Variants in PPP1R7 observed in about 807,000 individuals in gnomAD.
PPP1R7 encodes protein phosphatase 1 regulatory subunit 7, also known as protein phosphatase 1 regulatory subunit 22.
PPP1R7 carries 18 observed loss-of-function variants against 45.2 expected under a neutral mutation model. That is an observed-to-expected ratio of 0.40 (90% CI 0.28 to 0.59). The LOEUF is 0.59. PPP1R7 is among the 20% of genes least tolerant of loss of function. The pLI is 0.46. For missense variants in PPP1R7, 314 were observed against 455.8 expected, an observed-to-expected ratio of 0.69 and a Z score of 2.83; for synonymous variants, 181 against 183.4, an observed-to-expected ratio of 0.99 and a Z score of 0.11.
At chr2:241,171,257 T>A (rs1575402675) in intron 9 of PPP1R7, among the ~76,000 whole-genome samples, 3 of 152,298 alleles carry the variant, frequency 2.0e-5, no homozygotes, top group African/African-American at 7.2e-5. Context: ...GATCAATCAC[T>A]AGGGGCCAGG....
intron 1 of PPP1R7, 108 bp downstream of exon 1, chr2:241,150,655 C>T (rs1271100068): frequency 1.5e-6 from 2 of 1,319,632 alleles, no homozygotes; most frequent in African/African-American, 3.1e-5. Flanking sequence ...CTCTGGCCGC[C>T]GCCGCGCGGC....
intron 9 of PPP1R7, among the ~76,000 whole-genome samples, chr2:241,179,580 G>A (rs2067965388): frequency 6.6e-6 from 1 of 152,226 alleles, no homozygotes; most frequent in African/African-American, 2.4e-5. Context: ...GACATGGGAG[G>A]TGCTCAAGAT....
chr2:241,167,163 T>C (rs886270503), intron 8 of PPP1R7: 1 of 1,246,352 alleles, frequency 8.0e-7, no homozygotes, highest in African/African-American at 1.5e-5. Flanking sequence ...TAAAAGACTT[T>C]TTCTCATTCA....
At chr2:241,167,279 C>T in intron 8 of PPP1R7, 2 of 419,114 alleles carry the variant, frequency 4.8e-6, no homozygotes, top group South Asian at 1.2e-4. Context: ...GCCTCAACCC[C>T]AGGGCCTAGT....
Position 241,182,862 on chromosome 2 carries a change from G to T in PPP1R7, c.*39G>T. ...CCTCATGTGGTCCCTCTCCTCGGAAGAACTGCCCAGCCACGGGTTTTTAAC... is the reference window on the plus strand; with the variant it reads ...CCTCATGTGGTCCCTCTCCTCGGAATAACTGCCCAGCCACGGGTTTTTAAC... On this transcript the variant is annotated 3_prime_UTR_variant, in exon 10 of 10. Coordinates refer to ENST00000234038, the MANE Select transcript of PPP1R7 (RefSeq NM_002712.3). 1.9e-6 allele frequency: 3 copies of T among 1,589,636 alleles called. No homozygotes were observed. The highest frequency in any genetic ancestry group is 2.6e-6 in the Non-Finnish European group (3 of 1,161,636).
Position 241,153,557 on chromosome 2 carries a change from A to G in PPP1R7, c.134A>G (p.Glu45Gly). 1.2e-6 allele frequency: 2 copies of G among 1,614,186 alleles called. No homozygotes were observed. The highest frequency in any genetic ancestry group is 8.5e-7 in the Non-Finnish European group (1 of 1,180,032). ...HSSGIVADLSEQSLKDGEERG... is the reference protein window; with the variant it reads ...HSSGIVADLSGQSLKDGEERG... ...AGTGGCATCGTGGCCGACCTCAGTG[A>G]ACAGAGCCTGAAGGATGGGGAGGAG... The change falls in exon 2 of 10, where the codon GAA becomes GGA. Residue 45 changes from glutamate (E) to glycine (G), a missense_variant. This residue lies in a region of PPP1R7 where 112 missense variants were observed against 144.5 expected (regional missense o/e 0.78). Transcript: ENST00000234038.
At chr2:241,175,246 C>A (rs577999294) in intron 9 of PPP1R7, among the ~76,000 whole-genome samples, 1 of 152,320 alleles carries the variant, frequency 6.6e-6, no homozygotes, top group South Asian at 2.1e-4. Context: ...TCAGCACATT[C>A]GTAATGGTGC....
chr2:241,164,220 C>A (rs922105959), intron 7 of PPP1R7, among the ~76,000 whole-genome samples: 7 of 152,094 alleles, frequency 4.6e-5, no homozygotes, highest in Non-Finnish European at 1.5e-5. Context: ...CTTTTTCCAC[C>A]CACCCACCTC....
intron 2 of PPP1R7, among the ~76,000 whole-genome samples, chr2:241,157,123 G>A (rs530436507): frequency 9.6e-4 from 146 of 152,316 alleles, no homozygotes; most frequent in East Asian, 5.8e-3. Flanking sequence ...TGCCGGCTCC[G>A]GGGTAGAGAG....
intron 1 of PPP1R7, chr2:241,151,422 T>C (rs927859619): frequency 2.1e-6 from 1 of 470,010 alleles, no homozygotes; most frequent in East Asian, 7.0e-5. Flanking sequence ...TGTTAGGGAG[T>C]GGTGACAGCT....
chr2:241,172,038 T>G (rs963557332), intron 9 of PPP1R7, among the ~76,000 whole-genome samples: 4 of 152,208 alleles, frequency 2.6e-5, no homozygotes, highest in African/African-American at 9.6e-5. Context: ...TTTAATATAA[T>G]TACATTTAAT....
In PPP1R7 at chr2:241,183,432, C is replaced by T. The variant is rs1385035708; in HGVS notation, c.*609C>T. ...GCTGACTGTTTTCACGTGTGCCCGT[C>T]AGTTCTCGCCACATCCCTTGCCTGT... On this transcript the variant is annotated 3_prime_UTR_variant, in exon 10 of 10. Coordinates refer to ENST00000234038, the MANE Select transcript of PPP1R7 (RefSeq NM_002712.3). 4.2e-6 allele frequency: 2 copies of T among 471,186 alleles called. No homozygotes were observed. The highest frequency in any genetic ancestry group is 4.7e-5 in the Admixed American group (2 of 42,586). The allele number at this position is 471,186 out of a possible 1,614,324, so 29.2% of individuals were successfully genotyped here. A position where few individuals can be genotyped will look rare whatever the true frequency, so the allele number is the denominator to read the frequency against.
At chr2:241,172,658 AG>A (rs1484539292) in intron 9 of PPP1R7, among the ~76,000 whole-genome samples, 18 of 149,320 alleles carry the variant, frequency 1.2e-4, no homozygotes, top group African/African-American at 3.8e-4. Context: ...AAAAAAAAAA[AG>A]AAATTTAAAA....
chr2:241,159,967 C>G (rs2067547996), intron 5 of PPP1R7, among the ~76,000 whole-genome samples: 1 of 152,146 alleles, frequency 6.6e-6, no homozygotes, highest in Non-Finnish European at 1.5e-5. Flanking sequence ...TGTTTTGTTT[C>G]TGTTTCTAAT....
At chr2:241,154,363 A>G (rs1026091954) in intron 2 of PPP1R7, among the ~76,000 whole-genome samples, 22 of 151,964 alleles carry the variant, frequency 1.4e-4, no homozygotes, top group Non-Finnish European at 1.9e-4. Context: ...TTGCCTTACC[A>G]TTTTTATAGG....
chr2:241,151,573 A>G, intron 1 of PPP1R7: 1 of 471,196 alleles, frequency 2.1e-6, no homozygotes, highest in South Asian at 1.5e-5. Flanking sequence ...GAGTTTGACC[A>G]AATCGTATGT....
At chr2:241,167,227 G>T in intron 8 of PPP1R7, 1 of 676,704 alleles carries the variant, frequency 1.5e-6, no homozygotes. Context: ...CAACCAGATT[G>T]GTCTATAAAC....
intron 9 of PPP1R7, among the ~76,000 whole-genome samples, chr2:241,174,326 G>A (rs1304596888): frequency 1.3e-5 from 2 of 152,186 alleles, no homozygotes; most frequent in African/African-American, 4.8e-5. Context: ...GGGCTGCTTA[G>A]TAGTTCTTCG....
intron 7 of PPP1R7, among the ~76,000 whole-genome samples, chr2:241,164,160 T>C (rs780299661): frequency 1.2e-4 from 18 of 152,120 alleles, no homozygotes; most frequent in Non-Finnish European, 2.2e-4. Context: ...CAAGCAAACC[T>C]CCTGCCTTGG....
Sources: allele counts gnomAD v4.1 joint callset (sites outside exome capture counted in the v4.1 genomes callset), GRCh38; gene constraint gnomAD v4.1.1; regional missense constraint gnomAD v4.1.1; transcripts MANE v1.5; gene names NCBI Gene and HGNC (gene_info 2026-07-23, HGNC 2026-07-21).